The following ABLIM1 variants were observed in gnomAD, a reference collection of about 807,000 sequenced individuals.
ABLIM1 encodes the protein actin binding LIM protein 1.
A neutral mutation model predicts 107.0 loss-of-function variants in ABLIM1; 40 were observed. The ratio of observed to expected loss-of-function variants is 0.37; its 90% CI spans 0.29 to 0.49. The LOEUF is 0.49. Ranked by LOEUF, ABLIM1 falls within the 20% of genes least tolerant of loss-of-function variation. The pLI is 0.97. For missense variants in ABLIM1, 857 were observed against 1,008.5 expected, an observed-to-expected ratio of 0.85 and a Z score of 2.04; for synonymous variants, 357 against 357.3, an observed-to-expected ratio of 1.00 and a Z score of 0.01.
chr10:114,767,988 C>T, intron 1 of ABLIM1: 1 of 411,344 alleles, frequency 2.4e-6, no homozygotes, highest in Non-Finnish European at 4.8e-6. Flanking sequence ...GCGGCTGTCG[C>T]AGCCCCCCCG....
At chr10:114,660,441 T>C (rs1388996064), upstream of ABLIM1, among the ~76,000 whole-genome samples, 3 of 75,902 alleles carry the variant, frequency 4.0e-5, no homozygotes, top group African/African-American at 5.0e-5. Context: ...TCCAAAACTA[T>C]TGAAATTTAA....
rs770563472 is a variant in ABLIM1 at position 114,619,260 on chromosome 10, G to C, written c.245-17299C>G. On this transcript the variant is annotated intron_variant, in intron 1 of 22. Transcript: ENST00000533213. This position sits in a 1 kb window ranked among gnomAD's most constrained non-coding sequence, Gnocchi z 4.1. ...CACCCAGGCTGGAGCGCAGTGGCACGATCTTAGCTCACTGCAACGTCCACC... is the reference window on the plus strand; with the variant it reads ...CACCCAGGCTGGAGCGCAGTGGCACCATCTTAGCTCACTGCAACGTCCACC... Among the ~76,000 whole-genome samples, 1 of 149,320 alleles carries C rather than the reference G, an allele frequency of 6.7e-6. No individual in the cohort carries two copies. The highest frequency in any genetic ancestry group is 1.5e-5 in the Non-Finnish European group (1 of 67,586).
intron 1 of ABLIM1, among the ~76,000 whole-genome samples, chr10:114,741,471 C>T (rs371360585): frequency 7.9e-5 from 12 of 151,738 alleles, no homozygotes; most frequent in East Asian, 3.9e-4. Context: ...GTGATCCGCC[C>T]GCCTCAGCCT....
intron 21 of ABLIM1, among the ~76,000 whole-genome samples, chr10:114,438,794 T>G (rs2059780625): frequency 6.6e-6 from 1 of 152,180 alleles, no homozygotes; most frequent in South Asian, 2.1e-4. Flanking sequence ...GTCACCCCAG[T>G]GTACCCAGGA....
chr10:114,696,827 T>C (rs2081204336), intron 1 of ABLIM1, among the ~76,000 whole-genome samples: 1 of 152,162 alleles, frequency 6.6e-6, no homozygotes, highest in African/African-American at 2.4e-5. Flanking sequence ...TAATATACCA[T>C]TCATACTGGA....
chr10:114,496,260 GCTCTAT>G, intron 6 of ABLIM1, among the ~76,000 whole-genome samples: 1 of 152,286 alleles, frequency 6.6e-6, no homozygotes, highest in East Asian at 1.9e-4. Context: ...GCAGGACTTC[GCTCTAT>G]AAATCATTAG....
At chr10:114,666,978 T>C (rs2080052273) in intron 1 of ABLIM1, among the ~76,000 whole-genome samples, 1 of 152,148 alleles carries the variant, frequency 6.6e-6, no homozygotes, top group Admixed American at 6.5e-5. Flanking sequence ...TTTCCCAAGT[T>C]TCAAACATTT....
At chr10:114,772,344 G>C (rs983066404), upstream of ABLIM1, among the ~76,000 whole-genome samples, 5 of 152,052 alleles carry the variant, frequency 3.3e-5, no homozygotes, top group Non-Finnish European at 5.9e-5. Context: ...GCTCATGCCT[G>C]TAATCCCAGC....
At chr10:114,696,384 T>C (rs1462848512) in intron 1 of ABLIM1, among the ~76,000 whole-genome samples, 1 of 152,238 alleles carries the variant, frequency 6.6e-6, no homozygotes, top group African/African-American at 2.4e-5. Flanking sequence ...TGACCTCACA[T>C]GGATGAGCTT....
At position 114,468,977 on chromosome 10, in the gene ABLIM1, G is replaced by A. The variant is rs189658822; in HGVS notation, c.1276-761C>T. ...TGAGGCAGGAGAATGGCGTGAACCC[G>A]GAAGGCGAAGCTTGCAGTGAGCCGA... On this transcript the variant is annotated intron_variant, in intron 10 of 22. Coordinates refer to ENST00000533213, the MANE Select transcript of ABLIM1 (RefSeq NM_002313.7). 3.0e-3 allele frequency among the ~76,000 whole-genome samples: 456 copies of A among 150,196 alleles called. 2 individuals are homozygous for A. Among genetic ancestry groups the A allele is most frequent in the African/African-American group, 0.01 (422 of 40,740 alleles).
At chr10:114,625,171 G>C (rs2077709371) in intron 1 of ABLIM1, among the ~76,000 whole-genome samples, 1 of 152,116 alleles carries the variant, frequency 6.6e-6, no homozygotes, top group South Asian at 2.1e-4. Flanking sequence ...GGCAGGTAGG[G>C]GTGAGGCATT....
chr10:114,614,585 T>C (rs183819403), intron 1 of ABLIM1, among the ~76,000 whole-genome samples: 1 of 152,258 alleles, frequency 6.6e-6, no homozygotes, highest in Admixed American at 6.5e-5. Flanking sequence ...TGCCATCAGA[T>C]CAATGCCCCA....
intron 6 of ABLIM1, among the ~76,000 whole-genome samples, chr10:114,519,373 T>G (rs190771810): frequency 4.5e-4 from 69 of 152,340 alleles, no homozygotes; most frequent in Non-Finnish European, 8.2e-4. Flanking sequence ...ATCTTCCTGG[T>G]TGGTGCAAGG....
chr10:114,445,167 T>C (rs558134951), intron 16 of ABLIM1, 145 bp downstream of exon 16: 1 of 682,672 alleles, frequency 1.5e-6, no homozygotes, highest in African/African-American at 1.8e-5. Flanking sequence ...ACACCTGTCT[T>C]GCCTTGCCTG....
intron 6 of ABLIM1, among the ~76,000 whole-genome samples, chr10:114,502,727 C>A (rs565925875): frequency 6.6e-6 from 1 of 152,066 alleles, no homozygotes; most frequent in South Asian, 2.1e-4. Flanking sequence ...GAGCTCCTGG[C>A]CTCAAGTGAT....
intron 1 of ABLIM1, among the ~76,000 whole-genome samples, chr10:114,646,866 G>A (rs2079033347): frequency 6.6e-6 from 1 of 152,172 alleles, no homozygotes; most frequent in Admixed American, 6.5e-5. Context: ...CGATCTATGT[G>A]AAATCAAGTT....
chr10:114,668,582 C>T (rs910542356), intron 1 of ABLIM1, among the ~76,000 whole-genome samples: 2 of 152,146 alleles, frequency 1.3e-5, no homozygotes, highest in African/African-American at 4.8e-5. Context: ...ACGGAATCCT[C>T]CCACCTAAGC....
the ABLIM1 span, among the ~76,000 whole-genome samples, chr10:114,781,134 A>G: frequency 9.7e-4 from 147 of 152,324 alleles, 1 homozygote; most frequent in African/African-American, 3.5e-3. Context: ...CTAATGTTAT[A>G]TAAGTTGTGT....
intron 8 of ABLIM1, chr10:114,485,313 C>T (rs772965653): frequency 6.2e-6 from 10 of 1,612,020 alleles, no homozygotes; most frequent in East Asian, 2.2e-5. Context: ...AGACGGAGAC[C>T]GTCCTGTGCG....
Sources: allele counts gnomAD v4.1 joint callset (sites outside exome capture counted in the v4.1 genomes callset), GRCh38; gene constraint gnomAD v4.1.1; non-coding constraint Gnocchi (gnomAD v3.1); transcripts MANE v1.5; gene names NCBI Gene and HGNC (gene_info 2026-07-23, HGNC 2026-07-21).